ITPR2: variants seen among roughly 807,000 people sequenced by gnomAD.
ITPR2 encodes inositol 1,4,5-trisphosphate-gated calcium channel ITPR2.
In ITPR2, 207 loss-of-function variants were observed where a neutral mutation model predicts 317.1. That is an observed-to-expected ratio of 0.65 (90% CI 0.58 to 0.73). ITPR2 has a LOEUF of 0.73. Among genes scored for constraint, ITPR2 ranks in the 30% least tolerant of loss-of-function variants. ITPR2 has a pLI of 0.00. For synonymous variants in ITPR2, 1,156 were observed against 1,149.1 expected, an observed-to-expected ratio of 1.01 and a Z score of -0.12; for missense variants, 2,613 against 3,284.0, an observed-to-expected ratio of 0.80 and a Z score of 4.99.
At chr12:26,403,753 T>C (rs1313415352) in intron 52 of ITPR2, among the ~76,000 whole-genome samples, 1 of 152,160 alleles carries the variant, frequency 6.6e-6, no homozygotes. Flanking sequence ...TAGAATCGAG[T>C]TTGCCTTGAC....
intron 5 of ITPR2, among the ~76,000 whole-genome samples, chr12:26,720,447 T>C (rs1948816605): frequency 6.6e-6 from 1 of 152,198 alleles, no homozygotes; most frequent in Non-Finnish European, 1.5e-5. Flanking sequence ...GTATTTCCAA[T>C]TGCCTTCCAC....
chr12:26,478,368 C>G (rs1237305190), intron 43 of ITPR2, among the ~76,000 whole-genome samples: 2 of 151,920 alleles, frequency 1.3e-5, no homozygotes, highest in Non-Finnish European at 2.9e-5. Context: ...TAGTATCCCA[C>G]ATAAATAACA....
chr12:26,631,611 T>C (rs1469079412), intron 22 of ITPR2, among the ~76,000 whole-genome samples: 1 of 152,146 alleles, frequency 6.6e-6, no homozygotes, highest in African/African-American at 2.4e-5. Context: ...TGAAAGCAGT[T>C]TATCAACCTC....
chr12:26,769,025 ACC>A (rs869169911), intron 2 of ITPR2, among the ~76,000 whole-genome samples: 11 of 149,810 alleles, frequency 7.3e-5, no homozygotes, highest in Non-Finnish European at 1.2e-4. Context: ...ACACACACAC[ACC>A]CCAATCTCAG....
chr12:26,602,580 A>T (rs754162225), intron 27 of ITPR2, 37 bp downstream of exon 27: 3 of 1,573,358 alleles, frequency 1.9e-6, no homozygotes, highest in Non-Finnish European at 1.7e-6. Context: ...TGGCATGCAA[A>T]TATAAACCTA....
chr12:26,805,055 C>T (rs1309417328), intron 1 of ITPR2, among the ~76,000 whole-genome samples: 2 of 151,982 alleles, frequency 1.3e-5, no homozygotes, highest in African/African-American at 2.4e-5. Context: ...AATTCTAATC[C>T]CTAATCCTTC....
chr12:26,492,282 T>C (rs1942824285), intron 39 of ITPR2, among the ~76,000 whole-genome samples: 1 of 152,124 alleles, frequency 6.6e-6, no homozygotes, highest in Non-Finnish European at 1.5e-5. Flanking sequence ...AATTTATAAG[T>C]AGAAGGTGCA....
At chr12:26,476,759 G>A (rs570186116) in intron 44 of ITPR2, among the ~76,000 whole-genome samples, 153 bp downstream of exon 44, 40 of 152,264 alleles carry the variant, frequency 2.6e-4, no homozygotes, top group African/African-American at 7.7e-4. Flanking sequence ...TCACCACAGG[G>A]CCTTCTGAGG....
At chr12:26,522,692 T>C (rs1943695287) in intron 37 of ITPR2, among the ~76,000 whole-genome samples, 1 of 152,242 alleles carries the variant, frequency 6.6e-6, no homozygotes, top group South Asian at 2.1e-4. Flanking sequence ...TTAGATAATC[T>C]ATTAAATTGA....
At chr12:26,346,585 C>G (rs1166040990) in intron 55 of ITPR2, among the ~76,000 whole-genome samples, 1 of 150,782 alleles carries the variant, frequency 6.6e-6, no homozygotes, top group Admixed American at 6.6e-5. Flanking sequence ...ATCATTAACA[C>G]AGCACTGCAG....
At chr12:26,456,677 AT>A (rs1222890570) in intron 45 of ITPR2, among the ~76,000 whole-genome samples, 3 of 151,350 alleles carry the variant, frequency 2.0e-5, no homozygotes, top group Admixed American at 6.6e-5. Flanking sequence ...TCTAGTAACA[AT>A]TTTTTTTCTT....
intron 32 of ITPR2, 64 bp downstream of exon 32, chr12:26,595,401 G>C (rs1017836986): frequency 2.7e-6 from 4 of 1,472,688 alleles, no homozygotes; most frequent in Non-Finnish European, 3.7e-6. Context: ...TTTTCATCCA[G>C]ATGCTTAATA....
chr12:26,524,532 T>G (rs75513679), intron 37 of ITPR2, among the ~76,000 whole-genome samples: 1 of 152,256 alleles, frequency 6.6e-6, no homozygotes, highest in South Asian at 2.1e-4. Flanking sequence ...TGTAAAAATA[T>G]CTCTAAAATT....
At position 26,670,391 on chromosome 12, in the gene ITPR2, C is replaced by T. The variant is rs374530386; in HGVS notation, c.1410-4340G>A. Among the ~76,000 whole-genome samples the T allele has an allele frequency of 9.2e-5, 14 of 152,112 alleles. No individual in the cohort carries two copies. The East Asian group carries it at 1.4e-3, about 15-fold the overall frequency. Reference sequence around the variant, plus strand: ...ATCAGACAGCAGCACTCACGGTTCACGAAAAACTGCTGTTATACAAACACC... The same window carrying T: ...ATCAGACAGCAGCACTCACGGTTCATGAAAAACTGCTGTTATACAAACACC... On this transcript the variant is annotated intron_variant, in intron 13 of 56. Transcript: ENST00000381340.
chr12:26,431,451 T>G (rs1389511771), intron 48 of ITPR2, among the ~76,000 whole-genome samples: 1 of 152,166 alleles, frequency 6.6e-6, no homozygotes, highest in South Asian at 2.1e-4. Context: ...TTGGCATGTT[T>G]CTTTTTTAGA....
intron 49 of ITPR2, among the ~76,000 whole-genome samples, chr12:26,425,089 A>AGAT (rs1004535656): frequency 1.3e-5 from 2 of 151,902 alleles, no homozygotes; most frequent in African/African-American, 4.8e-5. Context: ...AAATGAAGGT[A>AGAT]GATGATATTC....
At chr12:26,436,823 A>T (rs1565526010) in intron 47 of ITPR2, among the ~76,000 whole-genome samples, 1 of 152,224 alleles carries the variant, frequency 6.6e-6, no homozygotes, top group Non-Finnish European at 1.5e-5. Flanking sequence ...TATGACAGTC[A>T]CAGTTACCTG....
chr12:26,398,768 C>T, intron 54 of ITPR2, 108 bp downstream of exon 54: 1 of 902,418 alleles, frequency 1.1e-6, no homozygotes, highest in Non-Finnish European at 1.7e-6. Flanking sequence ...ATCCAACCTT[C>T]ATTTTGAAAT....
chr12:26,345,283 T>C (rs1382004664), intron 55 of ITPR2, among the ~76,000 whole-genome samples: 3 of 152,162 alleles, frequency 2.0e-5, no homozygotes, highest in Non-Finnish European at 4.4e-5. Flanking sequence ...CTGCAGAAAG[T>C]ACAGTAGTCC....
Sources: allele counts gnomAD v4.1 joint callset (sites outside exome capture counted in the v4.1 genomes callset), GRCh38; gene constraint gnomAD v4.1.1; transcripts MANE v1.5; gene names NCBI Gene and HGNC (gene_info 2026-07-23, HGNC 2026-07-21).